OGA: variants seen among roughly 807,000 people sequenced by gnomAD.
The protein encoded by OGA is O-GlcNAcase.
A neutral mutation model predicts 102.0 loss-of-function variants in OGA; 21 were observed. The observed-to-expected ratio is 0.21, with a 90% CI of 0.15 to 0.30. The LOEUF (loss-of-function observed/expected upper bound fraction) is 0.30. Ranked by LOEUF, OGA falls within the 10% of genes least tolerant of loss-of-function variation. The probability of loss-of-function intolerance (pLI) is 1.00; values close to 1 mark genes in which losing one functional copy is unlikely to be tolerated. For synonymous variants in OGA, 408 were observed against 378.2 expected, an observed-to-expected ratio of 1.08 and a Z score of -0.91; for missense variants, 765 against 1,107.8, an observed-to-expected ratio of 0.69 and a Z score of 4.39.
chr10:101,788,767 ATG>A (rs1238600301), intron 14 of OGA, among the ~76,000 whole-genome samples: 1 of 152,056 alleles, frequency 6.6e-6, no homozygotes, highest in Non-Finnish European at 1.5e-5. Context: ...TCTAAATGCT[ATG>A]TGGTATTGGA....
intron 15 of OGA, 59 bp from the exon 16 acceptor site, chr10:101,786,646 A>C: frequency 7.7e-7 from 1 of 1,302,584 alleles, no homozygotes. Flanking sequence ...ATAATTATAG[A>C]TATAAAACTA....
chr10:101,804,110 A>G, intron 6 of OGA, 91 bp from the exon 7 acceptor site: 1 of 1,160,014 alleles, frequency 8.6e-7, no homozygotes, highest in Non-Finnish European at 1.2e-6. Context: ...TCTGGGAGGC[A>G]GAGGTGGGCA....
At chr10:101,792,067 G>C (rs2065266447) in intron 12 of OGA, among the ~76,000 whole-genome samples, 1 of 151,706 alleles carries the variant, frequency 6.6e-6, no homozygotes, top group Admixed American at 6.6e-5. Flanking sequence ...GCCCCAGGCT[G>C]GAGTGCAGTG....
chr10:101,787,892 A>G (rs1399018476), intron 14 of OGA: 1 of 167,512 alleles, frequency 6.0e-6, no homozygotes, highest in Non-Finnish European at 1.3e-5. Context: ...GTGCCTGGCC[A>G]CCGTTTTCAC....
rs1589820090 is a variant in OGA, at chr10:101,786,574, A to G, written c.2628T>C (p.Ala876=). ...SSLKANGSRG[A]FCEVRPDDKR... is the part of the protein sequence containing the mutation. Reference sequence around the variant, plus strand: ...TATCATCTGGTCTCACTTCACAGAAAGCTCCCCGGGAGCCTAGAAATAAAA... The same window carrying G: ...TATCATCTGGTCTCACTTCACAGAAGGCTCCCCGGGAGCCTAGAAATAAAA... The change falls in exon 16 of 16, where the codon GCT becomes GCC. Residue 876 remains alanine, a synonymous_variant. Transcript: ENST00000361464. 6.2e-7 allele frequency: 1 copy of G among 1,604,390 alleles called. No individual in the cohort carries two copies. Among genetic ancestry groups the G allele is most frequent in the South Asian group, 1.1e-5 (1 of 88,142 alleles).
intron 1 of OGA, among the ~76,000 whole-genome samples, chr10:101,813,950 T>C (rs1353120257): frequency 1.3e-5 from 2 of 151,920 alleles, no homozygotes; most frequent in Non-Finnish European, 2.9e-5. Context: ...GATCTCAATC[T>C]TATAATGGGG....
Position 101,787,466 on chromosome 10 carries a change from T to C in OGA, c.2512A>G (p.Asn838Asp). The C allele has an allele frequency of 6.2e-7, 1 of 1,613,854 alleles. No individual in the cohort carries two copies. Among genetic ancestry groups the C allele is most frequent in the Non-Finnish European group, 8.5e-7 (1 of 1,179,712 alleles). Reference sequence around the variant, plus strand: ...TCCATCTTTATCAGAGAAGGGAAATTAGCAAGGAAAGTTTCTGGCAGTACT... The same window carrying C: ...TCCATCTTTATCAGAGAAGGGAAATCAGCAAGGAAAGTTTCTGGCAGTACT... ...QEVLPETFLA[N>D]FPSLIKMDIH... Residue 838 changes from asparagine (N) to aspartate (D), a missense_variant, in exon 15 of 16, where the codon AAT becomes GAT. Physicochemically the swap from Asn to Asp is conservative, Grantham distance 23. This residue lies in a region of OGA where 146 missense variants were observed against 269.7 expected (regional missense o/e 0.54). Coordinates refer to ENST00000361464, the MANE Select transcript of OGA (RefSeq NM_012215.5).
chr10:101,788,236 G>C (rs1022807693), intron 14 of OGA, among the ~76,000 whole-genome samples: 1 of 150,366 alleles, frequency 6.7e-6, no homozygotes, highest in Admixed American at 6.6e-5. Context: ...TCAGGAGTTT[G>C]TGACCAGCCT....
chr10:101,803,448 T>TAAAAAAAAAAAA (rs575226082), intron 7 of OGA, among the ~76,000 whole-genome samples: 1 of 74,310 alleles, frequency 1.3e-5, no homozygotes, highest in African/African-American at 5.2e-5. Flanking sequence ...TGAATCATAC[T>TAAAAAAAAAAAA]AAAAAAAAAA....
chr10:101,800,748 T>C (rs974912301), intron 7 of OGA, among the ~76,000 whole-genome samples: 1 of 151,386 alleles, frequency 6.6e-6, no homozygotes, highest in East Asian at 1.9e-4. Flanking sequence ...AAACATTGCA[T>C]AGCCTTCAGG....
chr10:101,818,202 G>A lies in OGA; in HGVS notation c.-180C>T, dbSNP rs1177448997. ...GGGACCCGAATGCCCGGATGAGAAG[G>A]GCGGCGGCACCGGCGCGAGCCCTTT... On this transcript the variant is annotated 5_prime_UTR_variant, in exon 1 of 16. Coordinates refer to ENST00000361464, the MANE Select transcript of OGA (RefSeq NM_012215.5). 13 of 1,349,814 alleles carry A rather than the reference G, an allele frequency of 9.6e-6. No individual in the cohort carries two copies. The highest frequency in any genetic ancestry group is 2.7e-4 in the Middle Eastern group (1 of 3,660). The allele number at this position is 1,349,814 out of a possible 1,614,324, so 83.6% of individuals were successfully genotyped here. A position where few individuals can be genotyped will look rare whatever the true frequency, so the allele number is the denominator to read the frequency against.
Position 101,798,016 on chromosome 10 carries a change from T to C in OGA, c.1948A>G (p.Ile650Val). 1 of 1,613,878 alleles carries C rather than the reference T, an allele frequency of 6.2e-7. No individual in the cohort carries two copies. Among genetic ancestry groups the C allele is most frequent in the Non-Finnish European group, 8.5e-7 (1 of 1,179,840 alleles). The change falls in exon 10 of 16, where the codon ATA (isoleucine) becomes GTA (valine). Residue 650 changes from isoleucine (I) to valine (V), a missense_variant. This residue lies in a region of OGA where 281 missense variants were observed against 345.8 expected (regional missense o/e 0.81). Coordinates refer to ENST00000361464, the MANE Select transcript of OGA (RefSeq NM_012215.5). ...MYSYVWDIKS[I>V]MSMVKSFVQW... Reference sequence around the variant, plus strand: ...ACAAAAGACTTCACCATAGACATTATACTCTTGATATCCCAAACATAGGAG... The same window carrying C: ...ACAAAAGACTTCACCATAGACATTACACTCTTGATATCCCAAACATAGGAG...
chr10:101,817,721 G>T, intron 1 of OGA, 103 bp downstream of exon 1: 3 of 1,321,010 alleles, frequency 2.3e-6, no homozygotes, highest in Non-Finnish European at 2.1e-6. Context: ...TTCAGACCCA[G>T]AGGCTTTCCG....
Position 101,812,453 on chromosome 10 carries a change from T to C in OGA, c.349+577A>G, listed in dbSNP as rs193285260. Among the ~76,000 whole-genome samples, 54 of 152,270 alleles carry C rather than the reference T, an allele frequency of 3.5e-4. No homozygotes were observed. In the East Asian group the frequency reaches 8.9e-3, roughly 25 times the overall value. On this transcript the variant is annotated intron_variant, in intron 3 of 15. Transcript: ENST00000361464. ...ACAAAACCCAAAGACAGCCTATTAA[T>C]GGCTTCCCACTTTCCTGGACTAGGG...
intron 10 of OGA, among the ~76,000 whole-genome samples, chr10:101,794,699 CATT>C (rs2135041212): frequency 6.6e-6 from 1 of 152,248 alleles, no homozygotes; most frequent in African/African-American, 2.4e-5. Context: ...TCTGACCAGC[CATT>C]ATAATAATCT....
intron 11 of OGA, among the ~76,000 whole-genome samples, chr10:101,793,485 A>T (rs1169197043): frequency 6.6e-6 from 1 of 152,266 alleles, no homozygotes; most frequent in Non-Finnish European, 1.5e-5. Flanking sequence ...TCATATTTTC[A>T]GCAATGGACA....
chr10:101,810,590 G>A (rs2065541991), intron 3 of OGA, among the ~76,000 whole-genome samples: 1 of 152,128 alleles, frequency 6.6e-6, no homozygotes, highest in South Asian at 2.1e-4. Context: ...CTTCCAAATA[G>A]TTTCTTATCC....
chr10:101,818,006 C>T lies in OGA; in HGVS notation c.17G>A (p.Ser6Asn). 6.2e-7 allele frequency: 1 copy of T among 1,602,260 alleles called. No individual in the cohort carries two copies. The highest frequency in any genetic ancestry group is 8.5e-7 in the Non-Finnish European group (1 of 1,171,940). Residue 6 changes from serine (S) to asparagine (N), a missense_variant, in exon 1 of 16, where the codon AGT (serine) becomes AAT (asparagine). Coordinates refer to ENST00000361464, the MANE Select transcript of OGA (RefSeq NM_012215.5). Reference sequence around the variant, plus strand: ...CTCCCGCTCCTCCAACGTCGCTTGACTCTCCTTCTGCACCATCCTCCTGCC... The same window carrying T: ...CTCCCGCTCCTCCAACGTCGCTTGATTCTCCTTCTGCACCATCCTCCTGCC... Reference protein sequence around the residue: MVQKESQATLEERESE... With the variant: MVQKENQATLEERESE...
intron 5 of OGA, among the ~76,000 whole-genome samples, chr10:101,806,846 G>A (rs2065482422): frequency 6.6e-6 from 1 of 152,104 alleles, no homozygotes; most frequent in South Asian, 2.1e-4. Flanking sequence ...GGCTGAAGCG[G>A]GTGGATCACT....
Sources: gnomAD v4.1 joint callset for allele counts (sites outside exome capture counted in the v4.1 genomes callset) on GRCh38, gnomAD v4.1.1 for gene constraint, gnomAD v4.1.1 regional missense constraint, MANE v1.5 for transcripts, NCBI Gene and HGNC (gene_info 2026-07-23, HGNC 2026-07-21) for gene names.